ICA1: variants seen among roughly 807,000 people sequenced by gnomAD.
ICA1 encodes the protein 69 kDa islet cell autoantigen.
A neutral mutation model predicts 71.0 loss-of-function variants in ICA1; 40 were observed. The ratio of observed to expected loss-of-function variants is 0.56; its 90% CI spans 0.44 to 0.73. ICA1 has a LOEUF of 0.73. Ranked by LOEUF, ICA1 falls within the 30% of genes least tolerant of loss-of-function variation. The pLI, the probability that ICA1 is intolerant of heterozygous loss-of-function variation, is 0.00. For synonymous variants in ICA1, 207 were observed against 209.5 expected (o/e 0.99, Z 0.10); for missense variants, 578 against 576.5 (o/e 1.00, Z -0.03).
At chr7:8,247,964 T>C (rs1204235540) in intron 1 of ICA1, among the ~76,000 whole-genome samples, 2 of 152,194 alleles carry the variant, frequency 1.3e-5, no homozygotes. Context: ...CACTAAAACT[T>C]ATCAGGCAGC....
intron 8 of ICA1, among the ~76,000 whole-genome samples, chr7:8,147,687 A>G (rs1236413267): frequency 3.4e-5 from 5 of 145,306 alleles, no homozygotes; most frequent in Non-Finnish European, 6.1e-5. Context: ...AGCCAAGGGG[A>G]ACACACACAC....
At chr7:8,240,811 G>C (rs775121797) in intron 1 of ICA1, among the ~76,000 whole-genome samples, 21 of 152,114 alleles carry the variant, frequency 1.4e-4, no homozygotes, top group Non-Finnish European at 2.5e-4. Flanking sequence ...GAAAGGGTAG[G>C]TATCAGTGAT....
chr7:8,212,064 G>C (rs1402918049), intron 6 of ICA1, among the ~76,000 whole-genome samples: 1 of 152,128 alleles, frequency 6.6e-6, no homozygotes, highest in Admixed American at 6.5e-5. Flanking sequence ...CTTTGAAAGT[G>C]TCCAATAAAT....
chr7:8,235,606 C>T (rs1036854537), intron 2 of ICA1, among the ~76,000 whole-genome samples: 39 of 152,108 alleles, frequency 2.6e-4, no homozygotes, highest in Non-Finnish European at 4.9e-4. Context: ...GTAATAAAAA[C>T]GCATCAACTC....
At chr7:8,151,869 G>C (rs1209815534) in intron 8 of ICA1, among the ~76,000 whole-genome samples, 1 of 152,238 alleles carries the variant, frequency 6.6e-6, no homozygotes, top group African/African-American at 2.4e-5. Flanking sequence ...CACCCCAAGA[G>C]AGAAAGGAGG....
intron 1 of ICA1, among the ~76,000 whole-genome samples, chr7:8,244,349 A>G (rs1013777521): frequency 6.6e-6 from 1 of 152,248 alleles, no homozygotes; most frequent in African/African-American, 2.4e-5. Context: ...AAAACTGGCT[A>G]GCTATATGTA....
intron 1 of ICA1, among the ~76,000 whole-genome samples, chr7:8,257,240 C>T (rs1810533476): frequency 6.6e-6 from 1 of 152,168 alleles, no homozygotes; most frequent in Admixed American, 6.5e-5. Flanking sequence ...AGGAGAGGGG[C>T]ACTATTTATA....
At chr7:8,250,217 TA>T (rs1220334053) in intron 1 of ICA1, among the ~76,000 whole-genome samples, 1 of 152,264 alleles carries the variant, frequency 6.6e-6, no homozygotes, top group African/African-American at 2.4e-5. Context: ...CTTATGTCAA[TA>T]ATGATTTTTA....
intron 6 of ICA1, among the ~76,000 whole-genome samples, chr7:8,208,779 C>T (rs1020426122): frequency 1.3e-5 from 2 of 152,192 alleles, no homozygotes; most frequent in Non-Finnish European, 2.9e-5. Context: ...GCCAGCGGAA[C>T]AGTCAGTGTT....
intron 1 of ICA1, among the ~76,000 whole-genome samples, chr7:8,241,680 C>A (rs1314164637): frequency 2.0e-5 from 3 of 152,130 alleles, no homozygotes. Flanking sequence ...ATCTCACAGA[C>A]AGAGACACAC....
At chr7:8,149,181 G>A (rs1798006647) in intron 8 of ICA1, among the ~76,000 whole-genome samples, 1 of 152,176 alleles carries the variant, frequency 6.6e-6, no homozygotes. Context: ...ACCAGCTGAT[G>A]GGAGCCACAT....
intron 5 of ICA1, among the ~76,000 whole-genome samples, chr7:8,220,213 T>C (rs762917130): frequency 1.3e-5 from 2 of 152,214 alleles, no homozygotes; most frequent in African/African-American, 2.4e-5. Context: ...AATGGTTTCA[T>C]TCAAGCATAA....
At chr7:8,229,995 T>C (rs9690615) in intron 3 of ICA1, among the ~76,000 whole-genome samples, 8,761 of 152,270 alleles carry the variant, frequency 0.058, 645 homozygotes, top group African/African-American at 0.17. Context: ...AATTGAGGTA[T>C]AAATTAAATG....
intron 4 of ICA1, among the ~76,000 whole-genome samples, chr7:8,227,409 G>C (rs192287630): frequency 3.9e-4 from 59 of 152,280 alleles, no homozygotes; most frequent in Middle Eastern, 3.4e-3. Flanking sequence ...CAAAATACCA[G>C]CATTTGAGAC....
chr7:8,221,011 G>A (rs1563069952), intron 5 of ICA1, among the ~76,000 whole-genome samples: 1 of 151,990 alleles, frequency 6.6e-6, no homozygotes, highest in Non-Finnish European at 1.5e-5. Context: ...AGCACTCATA[G>A]TGATTGACAT....
At chr7:8,193,646 T>C (rs940972696) in intron 6 of ICA1, among the ~76,000 whole-genome samples, 4 of 152,228 alleles carry the variant, frequency 2.6e-5, no homozygotes, top group Non-Finnish European at 5.9e-5. Context: ...TCCTTCCCTC[T>C]GTAGATTCTG....
intron 2 of ICA1, 75 bp downstream of exon 2, chr7:8,235,835 T>G: frequency 6.9e-7 from 1 of 1,453,170 alleles, no homozygotes; most frequent in East Asian, 2.3e-5. Context: ...TGTTTTTCCA[T>G]TCAATAGATG....
intron 6 of ICA1, among the ~76,000 whole-genome samples, chr7:8,177,815 G>A (rs1466076690): frequency 1.3e-5 from 2 of 152,184 alleles, no homozygotes; most frequent in African/African-American, 4.8e-5. Context: ...ACTCTATAGT[G>A]GGTCCTGAAT....
Position 8,221,343 on chromosome 7 carries a change from T to A in ICA1, c.312A>T (p.Gln104His). Residue 104 changes from glutamine (Q) to histidine (H), a missense_variant, in exon 5 of 14, where the codon CAA (glutamine) becomes CAT (histidine). Transcript: ENST00000402384. The part of the protein sequence containing the change: ...LGKFLRSQGF[Q>H]DKTRAGKMMQ... Reference sequence around the variant, plus strand: ...TCATCTTTCCTGCTCTGGTTTTATCTTGGAAACCTTGGGATCGAAGAAATT... The same window carrying A: ...TCATCTTTCCTGCTCTGGTTTTATCATGGAAACCTTGGGATCGAAGAAATT... The A allele has an allele frequency of 6.2e-7, 1 of 1,613,706 alleles. No homozygotes were observed. Among genetic ancestry groups the A allele is most frequent in the Non-Finnish European group, 8.5e-7 (1 of 1,179,720 alleles).
Sources: allele counts gnomAD v4.1 joint callset (sites outside exome capture counted in the v4.1 genomes callset), GRCh38; gene constraint gnomAD v4.1.1; transcripts MANE v1.5; gene names NCBI Gene and HGNC (gene_info 2026-07-23, HGNC 2026-07-21).